The following WAC variants were observed in gnomAD, a reference collection of about 807,000 sequenced individuals.
WAC encodes the protein WW domain containing adaptor with coiled-coil.
Under a neutral mutation model 79.6 loss-of-function variants are expected in WAC, and 11 were observed. The observed-to-expected ratio is 0.14, with a 90% CI of 0.09 to 0.23. The LOEUF is 0.23. WAC is among the 10% of genes least tolerant of loss of function. The pLI, the probability that WAC is intolerant of heterozygous loss-of-function variation, is 1.00. For synonymous variants in WAC, 304 were observed against 276.9 expected, an observed-to-expected ratio of 1.10 and a Z score of -0.97; for missense variants, 728 against 773.5, an observed-to-expected ratio of 0.94 and a Z score of 0.70.
intron 3 of WAC, among the ~76,000 whole-genome samples, chr10:28,571,950 A>AT (rs1838996180): frequency 1.3e-5 from 2 of 152,104 alleles, no homozygotes; most frequent in Non-Finnish European, 2.9e-5. Flanking sequence ...ACTAACCTAT[A>AT]TTTTTTCTCT....
intron 3 of WAC, among the ~76,000 whole-genome samples, chr10:28,561,601 T>C (rs1838302409): frequency 6.6e-6 from 1 of 152,214 alleles, no homozygotes; most frequent in Non-Finnish European, 1.5e-5. Flanking sequence ...TTAAGTTTTT[T>C]CGCTAGGTGG....
intron 2 of WAC, 44 bp downstream of exon 2, chr10:28,534,078 G>T: frequency 6.5e-7 from 1 of 1,538,600 alleles, no homozygotes; most frequent in African/African-American, 1.4e-5. Flanking sequence ...GGGGCCGGAG[G>T]GGGAAGGGAG....
chr10:28,583,537 CT>C (rs1252990998), intron 4 of WAC, 32 bp downstream of exon 4: 6 of 885,496 alleles, frequency 6.8e-6, no homozygotes, highest in Non-Finnish European at 7.4e-6. Context: ...AATATGGTTT[CT>C]TTGGAATTTT....
intron 7 of WAC, among the ~76,000 whole-genome samples, chr10:28,599,124 T>C (rs892510578): frequency 6.6e-6 from 1 of 152,208 alleles, no homozygotes; most frequent in African/African-American, 2.4e-5. Flanking sequence ...GTTATTTAAA[T>C]TAAGCTTTCT....
intron 3 of WAC, among the ~76,000 whole-genome samples, chr10:28,580,041 T>G (rs1271755392): frequency 6.6e-6 from 1 of 152,234 alleles, no homozygotes; most frequent in Non-Finnish European, 1.5e-5. Flanking sequence ...AAGTTTTGTT[T>G]TTGATAAGCA....
chr10:28,605,898 G>C (rs1037197755), intron 7 of WAC, among the ~76,000 whole-genome samples: 4 of 152,162 alleles, frequency 2.6e-5, no homozygotes, highest in African/African-American at 9.7e-5. Context: ...CATGCAGTAA[G>C]TAGAAATAAA....
chr10:28,614,363 G>C (rs938722187), intron 10 of WAC, among the ~76,000 whole-genome samples: 1 of 152,224 alleles, frequency 6.6e-6, no homozygotes, highest in Non-Finnish European at 1.5e-5. Context: ...AAAGTGCTGG[G>C]ATTACAGGCG....
intron 3 of WAC, among the ~76,000 whole-genome samples, chr10:28,541,199 A>T (rs1836999217): frequency 6.6e-6 from 1 of 152,064 alleles, no homozygotes; most frequent in South Asian, 2.1e-4. Flanking sequence ...AATTCACAGA[A>T]AATTTATATA....
rs1426494381 is a variant in WAC at position 28,595,927 on chromosome 10, A to T, written c.805A>T (p.Thr269Ser). Residue 269 changes from threonine (T) to serine (S), a missense_variant, in exon 7 of 14, where the codon ACG becomes TCG. Coordinates refer to ENST00000354911, the MANE Select transcript of WAC (RefSeq NM_016628.5). ...TPSTVPSSPF[T>S]LQSDHQPKKS... ...AAGCACTGTTCCTTCTAGTCCATTTACGCTACAGTCTGATCACCAGCCAAA... is the reference window on the plus strand; with the variant it reads ...AAGCACTGTTCCTTCTAGTCCATTTTCGCTACAGTCTGATCACCAGCCAAA... The T allele has an allele frequency of 1.2e-6, 2 of 1,614,162 alleles. No homozygotes were observed. The highest frequency in any genetic ancestry group is 8.5e-7 in the Non-Finnish European group (1 of 1,180,022).
At chr10:28,594,300 T>C in intron 6 of WAC, among the ~76,000 whole-genome samples, 1 of 152,206 alleles carries the variant, frequency 6.6e-6, no homozygotes, top group East Asian at 1.9e-4. Context: ...AAAAATTGTA[T>C]ACAGGGTTGG....
chr10:28,612,446 C>CA (rs959376221), intron 10 of WAC, among the ~76,000 whole-genome samples: 7 of 152,174 alleles, frequency 4.6e-5, no homozygotes, highest in Non-Finnish European at 1.5e-5. Flanking sequence ...ACCCATTTTA[C>CA]TAAGCTTATA....
chr10:28,595,757 C>G lies in WAC; in HGVS notation c.635C>G (p.Ala212Gly), dbSNP rs1298746705. The change falls in exon 7 of 14, where the codon GCC becomes GGC. Residue 212 changes from alanine to glycine, a missense_variant. By Grantham distance (60) the Ala-to-Gly change is moderately conservative. Around this residue, in one of 3 missense-constraint regions of WAC, gnomAD observed 648 missense variants for 661.5 expected, o/e 0.98. Transcript: ENST00000354911. Reference sequence around the variant, plus strand: ...GTGGAAGACAAGCATTCCAGTGATGCCAGTAGTTTGCTCCCACAGAATATT... The same window carrying G: ...GTGGAAGACAAGCATTCCAGTGATGGCAGTAGTTTGCTCCCACAGAATATT... ...SGMEDKHSSD[A>G]SSLLPQNILS... is the part of the protein sequence containing the mutation. 3 of 1,613,858 alleles carry G rather than the reference C, an allele frequency of 1.9e-6. No individual in the cohort carries two copies. The highest frequency in any genetic ancestry group is 3.3e-5 in the Admixed American group (2 of 60,004).
At chr10:28,596,088 G>A (rs958829723) in intron 7 of WAC, 47 bp downstream of exon 7, 2 of 1,541,382 alleles carry the variant, frequency 1.3e-6, no homozygotes, top group African/African-American at 1.4e-5. Context: ...TAGTTTCTAA[G>A]TTTCTTCTAA....
intron 9 of WAC, 98 bp from the exon 10 acceptor site, chr10:28,611,676 G>A (rs1247881415): frequency 6.8e-7 from 1 of 1,464,524 alleles, no homozygotes; most frequent in Non-Finnish European, 9.2e-7. Flanking sequence ...GGGGGGTTTA[G>A]AGTAATACAA....
At chr10:28,593,921 A>G (rs1441627633) in intron 6 of WAC, among the ~76,000 whole-genome samples, 1 of 152,130 alleles carries the variant, frequency 6.6e-6, no homozygotes, top group African/African-American at 2.4e-5. Flanking sequence ...AGAAGCACTA[A>G]TGACACTTTG....
At chr10:28,612,357 T>C (rs1169990130) in intron 10 of WAC, among the ~76,000 whole-genome samples, 1 of 152,218 alleles carries the variant, frequency 6.6e-6, no homozygotes, top group Non-Finnish European at 1.5e-5. Context: ...CTTTATTTAA[T>C]AGATGAGAAA....
chr10:28,532,906 G>A (rs1475523626), upstream of WAC: 1 of 153,074 alleles, frequency 6.5e-6, no homozygotes. Flanking sequence ...AAACGGGAAC[G>A]GCGGTGGCCG....
At chr10:28,618,317 C>T (rs1841562779) in intron 13 of WAC, among the ~76,000 whole-genome samples, 1 of 152,088 alleles carries the variant, frequency 6.6e-6, no homozygotes, top group African/African-American at 2.4e-5. Context: ...GAATTGAGGA[C>T]AAACTTGGCA....
At chr10:28,533,701 C>G in intron 1 of WAC, 81 bp downstream of exon 1, 1 of 1,394,750 alleles carries the variant, frequency 7.2e-7, no homozygotes, top group Non-Finnish European at 9.6e-7. Flanking sequence ...TGGAGCTGGC[C>G]GGGCCGCCAT....
Sources: allele counts gnomAD v4.1 joint callset (sites outside exome capture counted in the v4.1 genomes callset), GRCh38; gene constraint gnomAD v4.1.1; regional missense constraint gnomAD v4.1.1; transcripts MANE v1.5; gene names NCBI Gene and HGNC (gene_info 2026-07-23, HGNC 2026-07-21).